Variants in EPS15 observed in about 807,000 individuals in gnomAD.
EPS15 encodes the protein epidermal growth factor receptor substrate 15.
In EPS15, 72 loss-of-function variants were observed where a neutral mutation model predicts 113.8. The ratio of observed to expected loss-of-function variants is 0.63; its 90% CI spans 0.52 to 0.77. The LOEUF is 0.77. Among genes scored for constraint, EPS15 ranks in the 30% least tolerant of loss-of-function variants. The pLI is 0.00. For missense variants in EPS15, 1,048 were observed against 1,045.8 expected (o/e 1.00, Z -0.03); for synonymous variants, 344 against 363.4 (o/e 0.95, Z 0.61).
chr1:51,445,016 T>C lies in EPS15; in HGVS notation c.827A>G (p.Lys276Arg). 1 of 1,613,958 alleles carries C rather than the reference T, an allele frequency of 6.2e-7. No homozygotes were observed. The highest frequency in any genetic ancestry group is 8.5e-7 in the Non-Finnish European group (1 of 1,179,890). ...WSLCDTKDCG[K>R]LSKDQFALAF... ...CAAGGCAAACTGATCCTTTGAAAGC[T>C]TCCCACAGTCCTTTGTGTCGCATAA... The change falls in exon 11 of 25, where the codon AAG (lysine) becomes AGG (arginine). Residue 276 changes from lysine to arginine, a missense_variant. Lys to Arg is a conservative substitution (Grantham distance 26, BLOSUM62 2). Transcript: ENST00000371733.
intron 24 of EPS15, among the ~76,000 whole-genome samples, chr1:51,358,593 TG>T (rs1272800973): frequency 6.6e-6 from 1 of 151,920 alleles, no homozygotes; most frequent in East Asian, 1.9e-4. Flanking sequence ...TCTTTCACAA[TG>T]AAAAAAGAAG....
At chr1:51,489,303 A>ATATATATATATATATATGTATGTATG (rs1360006242) in intron 1 of EPS15, among the ~76,000 whole-genome samples, 3 of 140,038 alleles carry the variant, frequency 2.1e-5, no homozygotes, top group African/African-American at 8.2e-5. Flanking sequence ...ATATATATAT[A>ATATATATATATATATATGTATGTATG]TATGTATGTA....
At chr1:51,518,412 C>T (rs1190832639) in intron 1 of EPS15, 1 of 152,478 alleles carries the variant, frequency 6.6e-6, no homozygotes, top group Non-Finnish European at 1.5e-5. Flanking sequence ...AGCCACCACA[C>T]CCGTTAAAGG....
At chr1:51,383,133 C>G (rs761043845) in intron 21 of EPS15, among the ~76,000 whole-genome samples, 39 of 152,094 alleles carry the variant, frequency 2.6e-4, no homozygotes, top group Admixed American at 5.2e-4. Flanking sequence ...AATACAACAC[C>G]AATCATTTCA....
chr1:51,471,639 T>A, intron 4 of EPS15, 51 bp downstream of exon 4: 1 of 1,419,270 alleles, frequency 7.0e-7, no homozygotes, highest in Non-Finnish European at 9.9e-7. Context: ...GCTGGCTATT[T>A]TTTATTTTGA....
Position 51,399,143 on chromosome 1 carries a change from G to C in EPS15, c.1941C>G (p.Phe647Leu). The C allele has an allele frequency of 1.2e-6, 2 of 1,613,830 alleles. No individual in the cohort carries two copies. Among genetic ancestry groups the C allele is most frequent in the Non-Finnish European group, 1.7e-6 (2 of 1,179,854 alleles). ...GKIDPFGGDP[F>L]KGSDPFASDC... ...CTGATGCAAATGGATCTGAACCTTTGAAAGGATCACCACCAAATGGATCTA... is the reference window on the plus strand; with the variant it reads ...CTGATGCAAATGGATCTGAACCTTTCAAAGGATCACCACCAAATGGATCTA... Residue 647 changes from phenylalanine to leucine, a missense_variant, in exon 20 of 25, where the codon TTC (phenylalanine) becomes TTG (leucine). Physicochemically the swap from Phe to Leu is conservative, Grantham distance 22. Transcript: ENST00000371733.
intron 12 of EPS15, chr1:51,423,795 G>A (rs2148452533): frequency 5.7e-6 from 5 of 871,388 alleles, no homozygotes; most frequent in Non-Finnish European, 6.9e-6. Flanking sequence ...GAGAGCAAAG[G>A]AAGGAAGCTC....
chr1:51,496,849 A>G (rs1644332629), intron 1 of EPS15, among the ~76,000 whole-genome samples: 1 of 152,176 alleles, frequency 6.6e-6, no homozygotes, highest in Non-Finnish European at 1.5e-5. Context: ...AAATTCTACA[A>G]TGTTCTCCAA....
chr1:51,440,372 T>TA lies in EPS15; in HGVS notation c.1014dup (p.Asn339Ter). The TA allele has an allele frequency of 6.3e-7, 1 of 1,586,972 alleles. No individual in the cohort carries two copies. Among genetic ancestry groups the TA allele is most frequent in the East Asian group, 2.2e-5 (1 of 44,472 alleles). The stretch of plus-strand genomic sequence containing the variant: ...CTCTGTAGGTCAACTATTTCATTGT[T>TA]AAGAGTATCTAGTTCCTTAATAGCA... On this transcript the variant is annotated frameshift_variant, in exon 12 of 25. Transcript: ENST00000371733. LOFTEE classifies it high-confidence loss of function.
chr1:51,449,617 T>C (rs544761501), intron 8 of EPS15, among the ~76,000 whole-genome samples: 3 of 151,516 alleles, frequency 2.0e-5, no homozygotes, highest in African/African-American at 4.9e-5. Context: ...GATGCTATAT[T>C]AGGCTAAGTT....
intron 1 of EPS15, among the ~76,000 whole-genome samples, chr1:51,483,535 C>T (rs1333218824): frequency 6.6e-6 from 1 of 151,614 alleles, no homozygotes. Flanking sequence ...CAGCCAGGCA[C>T]GGTGGCATGT....
chr1:51,436,865 G>A (rs1652190076), intron 12 of EPS15, among the ~76,000 whole-genome samples: 1 of 151,848 alleles, frequency 6.6e-6, no homozygotes, highest in African/African-American at 2.4e-5. Flanking sequence ...GAGGTGAGGG[G>A]ACAATTAGGG....
intron 20 of EPS15, among the ~76,000 whole-genome samples, chr1:51,396,417 G>A (rs534902566): frequency 3.9e-5 from 6 of 152,208 alleles, no homozygotes; most frequent in Non-Finnish European, 8.8e-5. Flanking sequence ...ATCTGAAAAC[G>A]TGAAATGCTC....
chr1:51,359,835 C>T (rs1465122509), intron 24 of EPS15, among the ~76,000 whole-genome samples: 3 of 151,684 alleles, frequency 2.0e-5, no homozygotes, highest in Non-Finnish European at 4.4e-5. Context: ...CCTTCATAGT[C>T]AAGAGAAGCC....
intron 24 of EPS15, among the ~76,000 whole-genome samples, chr1:51,358,414 A>G (rs1004738709): frequency 5.3e-5 from 8 of 152,264 alleles, no homozygotes; most frequent in African/African-American, 1.9e-4. Context: ...TACCCCAAAC[A>G]GCAACCTTGG....
intron 22 of EPS15, among the ~76,000 whole-genome samples, chr1:51,364,500 ATTTTT>A (rs11386357): frequency 6.8e-6 from 1 of 146,846 alleles, no homozygotes; most frequent in Admixed American, 6.8e-5. Flanking sequence ...TTGAAAGTCA[ATTTTT>A]TTTTTTTTTA....
chr1:51,358,990 C>G (rs1036649672), intron 24 of EPS15, among the ~76,000 whole-genome samples: 1 of 151,974 alleles, frequency 6.6e-6, no homozygotes, highest in Admixed American at 6.6e-5. Flanking sequence ...AGGTGTGAGC[C>G]ACCCCGTCTG....
At chr1:51,423,013 T>TAA (rs1466248939) in intron 12 of EPS15, among the ~76,000 whole-genome samples, 2 of 152,206 alleles carry the variant, frequency 1.3e-5, no homozygotes, top group Admixed American at 1.3e-4. Context: ...CCAAAGCAGA[T>TAA]ACTTAAGGGA....
intron 5 of EPS15, among the ~76,000 whole-genome samples, chr1:51,466,844 A>G (rs1654877401): frequency 6.6e-6 from 1 of 152,094 alleles, no homozygotes; most frequent in African/African-American, 2.4e-5. Flanking sequence ...AGCCTTGGCA[A>G]CATAGCAAGA....
Sources: allele counts gnomAD v4.1 joint callset (sites outside exome capture counted in the v4.1 genomes callset), GRCh38; gene constraint gnomAD v4.1.1; transcripts MANE v1.5; gene names NCBI Gene and HGNC (gene_info 2026-07-23, HGNC 2026-07-21).